The following NLGN1 variants were observed in gnomAD, a reference collection of about 807,000 sequenced individuals.
The protein encoded by NLGN1 is neuroligin-1.
A neutral mutation model predicts 65.5 loss-of-function variants in NLGN1; 12 were observed. That is an observed-to-expected ratio of 0.18 (90% CI 0.12 to 0.30). The LOEUF is 0.30. Ranked by LOEUF, NLGN1 falls within the 10% of genes least tolerant of loss-of-function variation. The pLI is 1.00. For missense variants in NLGN1, 750 were observed against 1,007.1 expected (o/e 0.74, Z 3.46); for synonymous variants, 350 against 359.5 (o/e 0.97, Z 0.30).
intron 4 of NLGN1, among the ~76,000 whole-genome samples, chr3:174,057,065 T>C (rs975677206): frequency 2.0e-5 from 3 of 152,020 alleles, no homozygotes; most frequent in African/African-American, 7.2e-5. Context: ...ATTGTGACTG[T>C]AGATTGATGT....
chr3:173,414,163 A>C (rs1002864786), intron 1 of NLGN1, among the ~76,000 whole-genome samples: 3 of 152,194 alleles, frequency 2.0e-5, no homozygotes, highest in African/African-American at 7.2e-5. Context: ...TCATCCTCAC[A>C]TCTTGTTATT....
intron 3 of NLGN1, among the ~76,000 whole-genome samples, chr3:173,612,582 C>T (rs1002467268): frequency 1.3e-5 from 2 of 152,046 alleles, no homozygotes; most frequent in Non-Finnish European, 1.5e-5. Context: ...TGTCTCCCTA[C>T]ATCCCCATGT....
At chr3:173,977,554 A>G (rs1335626809) in intron 4 of NLGN1, among the ~76,000 whole-genome samples, 1 of 152,050 alleles carries the variant, frequency 6.6e-6, no homozygotes, top group Non-Finnish European at 1.5e-5. Flanking sequence ...AGCAGGAATT[A>G]ACAATTTTTA....
At chr3:174,018,753 A>T (rs1039164200) in intron 4 of NLGN1, among the ~76,000 whole-genome samples, 1 of 152,174 alleles carries the variant, frequency 6.6e-6, no homozygotes, top group Admixed American at 6.6e-5. Context: ...TTTCCTCTGC[A>T]ACCTCATATG....
chr3:174,064,334 T>A (rs1738040339), intron 4 of NLGN1, among the ~76,000 whole-genome samples: 1 of 151,784 alleles, frequency 6.6e-6, no homozygotes, highest in African/African-American at 2.4e-5. Context: ...ACTTGACAGG[T>A]GAAAGAGTAG....
At chr3:173,754,024 C>CTTTTT (rs71162358) in intron 3 of NLGN1, among the ~76,000 whole-genome samples, 34 of 121,590 alleles carry the variant, frequency 2.8e-4, no homozygotes, top group South Asian at 5.2e-4. Flanking sequence ...TCTTTCTTTT[C>CTTTTT]TTTTTTTTTT....
chr3:173,483,356 G>C (rs1391443059), intron 2 of NLGN1, among the ~76,000 whole-genome samples: 3 of 151,814 alleles, frequency 2.0e-5, no homozygotes, highest in Non-Finnish European at 4.4e-5. Flanking sequence ...CAATAGGAGG[G>C]GGTAGAATTT....
intron 4 of NLGN1, among the ~76,000 whole-genome samples, chr3:173,875,612 C>CA (rs1051988875): frequency 6.6e-6 from 1 of 151,848 alleles, no homozygotes; most frequent in Non-Finnish European, 1.5e-5. Flanking sequence ...TAATTTTGAA[C>CA]AAAAAAGTAC....
chr3:174,012,225 C>T (rs767514608), intron 4 of NLGN1, among the ~76,000 whole-genome samples: 1 of 152,180 alleles, frequency 6.6e-6, no homozygotes, highest in African/African-American at 2.4e-5. Context: ...CATACTTACA[C>T]CCCAGTCTCA....
intron 3 of NLGN1, among the ~76,000 whole-genome samples, chr3:173,665,101 T>C (rs1473086663): frequency 6.6e-6 from 1 of 152,172 alleles, no homozygotes; most frequent in Non-Finnish European, 1.5e-5. Context: ...GTTGATATGG[T>C]CTGGCTCTGT....
At chr3:173,633,927 T>A (rs1756157519) in intron 3 of NLGN1, among the ~76,000 whole-genome samples, 1 of 152,162 alleles carries the variant, frequency 6.6e-6, no homozygotes, top group Non-Finnish European at 1.5e-5. Flanking sequence ...TATTAGCTTA[T>A]ACTCACAACA....
chr3:174,162,328 A>C (rs1323971867), intron 4 of NLGN1, among the ~76,000 whole-genome samples: 1 of 151,786 alleles, frequency 6.6e-6, no homozygotes, highest in Non-Finnish European at 1.5e-5. Context: ...GTCATTCTGT[A>C]TTTTGTATCA....
chr3:174,262,698 G>A (rs1320299909), intron 4 of NLGN1, among the ~76,000 whole-genome samples: 1 of 148,438 alleles, frequency 6.7e-6, no homozygotes, highest in Non-Finnish European at 1.5e-5. Context: ...GTTCTGCTCT[G>A]ATTTTAGTTA....
intron 2 of NLGN1, among the ~76,000 whole-genome samples, chr3:173,500,475 T>G (rs899653193): frequency 2.0e-5 from 3 of 152,198 alleles, no homozygotes; most frequent in African/African-American, 7.2e-5. Context: ...TGAGGATTTT[T>G]GCATCTATGT....
At chr3:173,998,079 G>A (rs1722613761) in intron 4 of NLGN1, among the ~76,000 whole-genome samples, 1 of 152,080 alleles carries the variant, frequency 6.6e-6, no homozygotes, top group South Asian at 2.1e-4. Context: ...AAAACCTCCT[G>A]GCAGGCCCTC....
chr3:174,248,285 C>G (rs1036923599), intron 4 of NLGN1, among the ~76,000 whole-genome samples: 1 of 152,108 alleles, frequency 6.6e-6, no homozygotes, highest in Non-Finnish European at 1.5e-5. Context: ...GATTTCTTTT[C>G]TTTCCCCTCA....
At chr3:174,088,653 TGA>T (rs1218817020) in intron 4 of NLGN1, among the ~76,000 whole-genome samples, 2 of 151,506 alleles carry the variant, frequency 1.3e-5, no homozygotes, top group African/African-American at 4.9e-5. Flanking sequence ...CTCGGGAGGC[TGA>T]GGCAGGAGAA....
At chr3:173,929,819 C>T (rs1743744109) in intron 4 of NLGN1, among the ~76,000 whole-genome samples, 2 of 151,966 alleles carry the variant, frequency 1.3e-5, no homozygotes, top group South Asian at 2.1e-4. Context: ...ATTCTTCTGC[C>T]TCAGCCTCCC....
intron 4 of NLGN1, among the ~76,000 whole-genome samples, chr3:173,995,727 C>T (rs1560802748): frequency 6.7e-6 from 1 of 148,930 alleles, no homozygotes; most frequent in Non-Finnish European, 1.5e-5. Flanking sequence ...CACTCTGTTG[C>T]CCAGGCTGGA....
Sources: gnomAD v4.1 joint callset for allele counts (sites outside exome capture counted in the v4.1 genomes callset) on GRCh38, gnomAD v4.1.1 for gene constraint, MANE v1.5 for transcripts, NCBI Gene and HGNC (gene_info 2026-07-23, HGNC 2026-07-21) for gene names.